Variants in MAP2 observed in about 807,000 individuals in gnomAD.
The protein encoded by MAP2 is microtubule-associated protein 2.
A neutral mutation model predicts 137.6 loss-of-function variants in MAP2; 14 were observed. The ratio of observed to expected loss-of-function variants is 0.10; its 90% CI spans 0.07 to 0.16. MAP2 has a LOEUF of 0.16. MAP2 is among the 10% of genes least tolerant of loss of function. MAP2 has a pLI of 1.00. For synonymous variants in MAP2, 786 were observed against 782.3 expected (o/e 1.00, Z -0.08); for missense variants, 2,088 against 2,191.5 (o/e 0.95, Z 0.94).
chr2:209,711,452 T>C (rs2065430012), intron 13 of MAP2, among the ~76,000 whole-genome samples: 1 of 152,088 alleles, frequency 6.6e-6, no homozygotes, highest in Non-Finnish European at 1.5e-5. Context: ...AATCAACCAA[T>C]GGGGCAGGAG....
chr2:209,697,021 C>T lies in MAP2; in HGVS notation c.4492C>T (p.His1498Tyr). The T allele has an allele frequency of 6.2e-7, 1 of 1,612,084 alleles. No homozygotes were observed. Among genetic ancestry groups the T allele is most frequent in the Non-Finnish European group, 8.5e-7 (1 of 1,179,586 alleles). ...TGCTATCAAATATACTAGACCAACT[C>T]ATCTCTCCTGTGTTAAGCGGAAAAC... ...KPAIKYTRPT[H>Y]LSCVKRKTTA... The change falls in exon 10 of 16, where the codon CAT (histidine) becomes TAT (tyrosine). Residue 1498 changes from histidine (H) to tyrosine (Y), a missense_variant. By Grantham distance (83) the His-to-Tyr change is moderately conservative (BLOSUM62 2). Coordinates refer to ENST00000682079, the MANE Select transcript of MAP2 (RefSeq NM_001375505.1).
At chr2:209,539,263 T>C (rs1181004433) in intron 2 of MAP2, among the ~76,000 whole-genome samples, 4 of 152,228 alleles carry the variant, frequency 2.6e-5, no homozygotes, top group Non-Finnish European at 5.9e-5. Context: ...AAATAACTTA[T>C]TAAATATTAA....
intron 1 of MAP2, among the ~76,000 whole-genome samples, chr2:209,457,808 A>G (rs988323901): frequency 6.6e-6 from 1 of 151,852 alleles, no homozygotes; most frequent in Non-Finnish European, 1.5e-5. Context: ...TAGTGTAGAT[A>G]CCTGAGTTTC....
intron 1 of MAP2, among the ~76,000 whole-genome samples, chr2:209,501,515 T>C (rs554830435): frequency 6.6e-6 from 1 of 152,320 alleles, no homozygotes; most frequent in South Asian, 2.1e-4. Context: ...GTGACATTTC[T>C]CTTACCTTTT....
At chr2:209,518,198 A>C (rs2062787026) in intron 2 of MAP2, among the ~76,000 whole-genome samples, 1 of 152,092 alleles carries the variant, frequency 6.6e-6, no homozygotes, top group African/African-American at 2.4e-5. Flanking sequence ...AATGCTTTAA[A>C]TGTATTAACA....
chr2:209,690,575 T>C lies in MAP2; in HGVS notation c.455-2050T>C, dbSNP rs1345977699. On this transcript the variant is annotated intron_variant, in intron 7 of 15. Transcript: ENST00000682079. ...CGTTTCATGTATTGTTCTGTGGTCA[T>C]GATGTCAACATCTTTTTCATCCCTA... 3.2e-6 allele frequency: 4 copies of C among 1,262,846 alleles called. No individual in the cohort carries two copies. In the South Asian group the frequency reaches 5.3e-5, roughly 17 times the overall value. 78.2% of individuals were successfully genotyped at this position (1,262,846 alleles called of 1,614,324 possible). A position where few individuals can be genotyped will look rare whatever the true frequency, so the allele number is the denominator to read the frequency against.
At chr2:209,541,769 C>T (rs1156395588) in intron 2 of MAP2, among the ~76,000 whole-genome samples, 16 of 152,244 alleles carry the variant, frequency 1.1e-4, no homozygotes, top group Admixed American at 1.0e-3. Flanking sequence ...AATCCAGTCA[C>T]ATCTTCAGGC....
chr2:209,469,626 C>G lies in MAP2; in HGVS notation c.-221-37966C>G, dbSNP rs1325202573. Among the ~76,000 whole-genome samples the G allele has an allele frequency of 4.5e-4, 68 of 152,108 alleles. 3 individuals carry two copies. Among genetic ancestry groups the G allele is most frequent in the Non-Finnish European group, 1.6e-4 (11 of 68,018 alleles). ...TACTCTCCCTCTGCACCTGCTGCAG[C>G]CTCCCTTCACAACCAGTCAACCTCT... On this transcript the variant is annotated intron_variant, in intron 1 of 15. Coordinates refer to ENST00000682079, the MANE Select transcript of MAP2 (RefSeq NM_001375505.1).
chr2:209,429,643 T>C (rs1484330676), intron 1 of MAP2, among the ~76,000 whole-genome samples: 3 of 152,276 alleles, frequency 2.0e-5, no homozygotes, highest in Non-Finnish European at 4.4e-5. Context: ...TCATGAGATA[T>C]TTCATCGCTT....
chr2:209,690,996 A>T, intron 7 of MAP2: 1 of 790,984 alleles, frequency 1.3e-6, no homozygotes, highest in South Asian at 1.9e-5. Context: ...ATGTGCAGAG[A>T]GTGTGGCTTG....
chr2:209,453,540 A>G (rs4474826), intron 1 of MAP2, among the ~76,000 whole-genome samples: 20,711 of 152,172 alleles, frequency 0.14, 3,470 homozygotes, highest in African/African-American at 0.4. Context: ...TTACATGTAT[A>G]TATACCTATG....
intron 1 of MAP2, among the ~76,000 whole-genome samples, chr2:209,435,948 TATATATACAGTATATATTATATATA>T (rs1559159118): frequency 3.6e-5 from 2 of 56,158 alleles, no homozygotes; most frequent in East Asian, 2.0e-3. Context: ...TAATATATAC[TATATATACAGTATATATTATATATA>T]ATATATACAG....
intron 2 of MAP2, among the ~76,000 whole-genome samples, chr2:209,520,379 T>C (rs2063107021): frequency 6.6e-6 from 1 of 152,026 alleles, no homozygotes; most frequent in South Asian, 2.1e-4. Context: ...TAAAATTTAG[T>C]AGGAACAGCA....
intron 1 of MAP2, among the ~76,000 whole-genome samples, chr2:209,426,817 C>A (rs767348964): frequency 3.9e-5 from 6 of 152,180 alleles, no homozygotes; most frequent in Non-Finnish European, 7.3e-5. Flanking sequence ...GGCACAGAAT[C>A]CTCTAAGCCT....
chr2:209,690,911 C>T (rs2058670005), intron 7 of MAP2: 1 of 1,201,548 alleles, frequency 8.3e-7, no homozygotes, highest in Non-Finnish European at 1.1e-6. Flanking sequence ...GGCTTACCAA[C>T]CTGATGCCTT....
intron 4 of MAP2, among the ~76,000 whole-genome samples, chr2:209,626,515 A>G (rs1344412805): frequency 6.6e-6 from 1 of 152,166 alleles, no homozygotes; most frequent in African/African-American, 2.4e-5. Flanking sequence ...AAAAATAATC[A>G]CAGAAGTCAT....
chr2:209,688,347 T>C (rs1456398597), intron 7 of MAP2, among the ~76,000 whole-genome samples: 1 of 152,162 alleles, frequency 6.6e-6, no homozygotes, highest in Non-Finnish European at 1.5e-5. Context: ...ATTTTTTTCC[T>C]CCTTAGACAC....
intron 5 of MAP2, among the ~76,000 whole-genome samples, chr2:209,676,717 GGTCATATATATATATATATATATAT>G (rs2051713183): frequency 1.2e-5 from 1 of 80,658 alleles, no homozygotes; most frequent in African/African-American, 5.4e-5. Flanking sequence ...AAGACACAAA[GGTCATATATATATATATATATATAT>G]ATATATATAT....
At chr2:209,544,406 A>G (rs1162498387) in intron 2 of MAP2, among the ~76,000 whole-genome samples, 1 of 152,188 alleles carries the variant, frequency 6.6e-6, no homozygotes, top group African/African-American at 2.4e-5. Context: ...CACTTTGACT[A>G]TGAAAGGGAG....
Sources: gnomAD v4.1 joint callset for allele counts (sites outside exome capture counted in the v4.1 genomes callset) on GRCh38, gnomAD v4.1.1 for gene constraint, MANE v1.5 for transcripts, NCBI Gene and HGNC (gene_info 2026-07-23, HGNC 2026-07-21) for gene names.